The following ACAP2 variants were observed in gnomAD, a reference collection of about 807,000 sequenced individuals.
ACAP2 encodes arf-GAP with coiled-coil, ANK repeat and PH domain-containing protein 2.
A neutral mutation model predicts 115.8 loss-of-function variants in ACAP2; 39 were observed. The observed-to-expected ratio is 0.34, with a 90% CI of 0.26 to 0.44. The LOEUF (loss-of-function observed/expected upper bound fraction) is 0.44, where lower values mean the gene tolerates loss of function less well. Among genes scored for constraint, ACAP2 ranks in the 20% least tolerant of loss-of-function variants. The pLI, the probability that ACAP2 is intolerant of heterozygous loss-of-function variation, is 1.00. For missense variants in ACAP2, 662 were observed against 927.6 expected (o/e 0.71, Z 3.72); for synonymous variants, 289 against 315.8 (o/e 0.92, Z 0.90).
At position 195,275,920 on chromosome 3, in the gene ACAP2, G is replaced by A. The variant is rs1047185105; in HGVS notation, c.*3408C>T. 1 of 152,602 alleles carries A rather than the reference G, an allele frequency of 6.6e-6. No individual in the cohort carries two copies. The highest frequency in any genetic ancestry group is 2.4e-5 in the African/African-American group (1 of 41,444). The allele number at this position is 152,602 out of a possible 1,614,324, so 9.5% of individuals were successfully genotyped here. A position where few individuals can be genotyped will look rare whatever the true frequency, so the allele number is the denominator to read the frequency against. On this transcript the variant is annotated 3_prime_UTR_variant, in exon 23 of 23. Coordinates refer to ENST00000326793, the MANE Select transcript of ACAP2 (RefSeq NM_012287.6). ...AAAAAGGGTAGTGACGACTAGTCCA[G>A]TGCTCCTTCCACCGTATCATGCGGT...
Position 195,351,359 on chromosome 3 carries a change from C to T in ACAP2, c.286-6042G>A, listed in dbSNP as rs528928998. On this transcript the variant is annotated intron_variant, in intron 4 of 22. Coordinates refer to ENST00000326793, the MANE Select transcript of ACAP2 (RefSeq NM_012287.6). Reference sequence around the variant, plus strand: ...CATGAACTCCTGACCTCAAGTGATCCGCCCGCCTCAGCCTTCCAAAGGGCT... The same window carrying T: ...CATGAACTCCTGACCTCAAGTGATCTGCCCGCCTCAGCCTTCCAAAGGGCT... Among the ~76,000 whole-genome samples the T allele has an allele frequency of 3.0e-3, 457 of 152,012 alleles. 3 individuals are homozygous for T. The highest frequency in any genetic ancestry group is 3.9e-3 in the Non-Finnish European group (263 of 67,954).
chr3:195,427,593 T>C (rs772512781), intron 1 of ACAP2, among the ~76,000 whole-genome samples: 2 of 152,152 alleles, frequency 1.3e-5, no homozygotes, highest in Non-Finnish European at 2.9e-5. Context: ...AGGCAATTGT[T>C]AACACAATGT....
chr3:195,420,496 G>C (rs191998132), intron 1 of ACAP2, among the ~76,000 whole-genome samples: 3,397 of 151,836 alleles, frequency 0.022, 113 homozygotes, highest in East Asian at 0.1. Flanking sequence ...CTATAGGCGC[G>C]TGCCACCACA....
At chr3:195,287,199 G>A (rs561278300) in intron 21 of ACAP2, among the ~76,000 whole-genome samples, 4 of 152,170 alleles carry the variant, frequency 2.6e-5, no homozygotes, top group Admixed American at 2.0e-4. Flanking sequence ...AATAAGTGAC[G>A]ATACAAAACA....
intron 1 of ACAP2, among the ~76,000 whole-genome samples, chr3:195,416,714 T>C (rs895879479): frequency 6.6e-6 from 1 of 152,314 alleles, no homozygotes; most frequent in South Asian, 2.1e-4. Context: ...TTTCTTATAA[T>C]GAATTTCCAA....
rs114845423 is a variant in ACAP2 at position 195,379,336 on chromosome 3, T to C, written c.285+1673A>G. 5.9e-3 allele frequency among the ~76,000 whole-genome samples: 901 copies of C among 152,186 alleles called. 8 individuals are homozygous for C. The highest frequency in any genetic ancestry group is 0.021 in the African/African-American group (858 of 41,506). On this transcript the variant is annotated intron_variant, in intron 4 of 22. Transcript: ENST00000326793. Reference sequence around the variant, plus strand: ...TTCAGACTTCATCAAAACTAAAAACTTTTGTGTGTCAAAGGATATTTTCAA... The same window carrying C: ...TTCAGACTTCATCAAAACTAAAAACCTTTGTGTGTCAAAGGATATTTTCAA...
intron 8 of ACAP2, among the ~76,000 whole-genome samples, chr3:195,327,439 C>T (rs1729867673): frequency 6.6e-6 from 1 of 152,128 alleles, no homozygotes; most frequent in Non-Finnish European, 1.5e-5. Context: ...TACTTCCAAC[C>T]ATTCAAGATG....
chr3:195,384,043 ATATC>A (rs1035447884), intron 2 of ACAP2, among the ~76,000 whole-genome samples: 2 of 152,258 alleles, frequency 1.3e-5, no homozygotes, highest in African/African-American at 4.8e-5. Context: ...AATTGGTACA[ATATC>A]TACAGAAGGC....
chr3:195,437,604 A>T (rs1715641464), intron 1 of ACAP2, among the ~76,000 whole-genome samples: 1 of 152,124 alleles, frequency 6.6e-6, no homozygotes, highest in South Asian at 2.1e-4. Flanking sequence ...TCACAAGGTC[A>T]GGAGTTCAAG....
chr3:195,426,842 T>C (rs958674390), intron 1 of ACAP2, among the ~76,000 whole-genome samples: 6 of 152,102 alleles, frequency 3.9e-5, no homozygotes, highest in Admixed American at 1.3e-4. Context: ...TTGAGGATAT[T>C]GGGATGGGGT....
chr3:195,391,909 C>T (rs1278984242), intron 2 of ACAP2, among the ~76,000 whole-genome samples, 181 bp downstream of exon 2: 1 of 151,926 alleles, frequency 6.6e-6, no homozygotes, highest in Admixed American at 6.6e-5. Context: ...GCAGGAGGAT[C>T]GTTTGAACCC....
At chr3:195,322,024 C>T (rs1729488266) in intron 9 of ACAP2, among the ~76,000 whole-genome samples, 1 of 152,152 alleles carries the variant, frequency 6.6e-6, no homozygotes, top group African/African-American at 2.4e-5. Context: ...GTTGAACTCA[C>T]TTTTTTATGA....
chr3:195,359,674 A>C (rs1385994248), intron 4 of ACAP2, among the ~76,000 whole-genome samples: 3 of 152,126 alleles, frequency 2.0e-5, no homozygotes, highest in Non-Finnish European at 4.4e-5. Context: ...TCACCGTGTT[A>C]GCCAGGATGG....
At chr3:195,429,865 G>C (rs557541784) in intron 1 of ACAP2, among the ~76,000 whole-genome samples, 14 of 152,274 alleles carry the variant, frequency 9.2e-5, no homozygotes, top group African/African-American at 3.4e-4. Context: ...CATTTTGGGA[G>C]AGTTCTTTTT....
At chr3:195,367,010 T>TA (rs1000575375) in intron 4 of ACAP2, among the ~76,000 whole-genome samples, 1 of 134,388 alleles carries the variant, frequency 7.4e-6, no homozygotes, top group African/African-American at 2.9e-5. Context: ...CAGAAGAGCA[T>TA]AGCTGTGTTC....
intron 13 of ACAP2, among the ~76,000 whole-genome samples, chr3:195,303,110 G>A (rs1274983089): frequency 1.3e-5 from 2 of 152,200 alleles, no homozygotes; most frequent in Non-Finnish European, 2.9e-5. Context: ...CAGCTACTCA[G>A]GAGGCTGAGA....
Position 195,324,462 on chromosome 3 carries a change from A to G in ACAP2, c.744+2423T>C, listed in dbSNP as rs368326679. On this transcript the variant is annotated intron_variant, in intron 9 of 22. Transcript: ENST00000326793. ...TCACACCACACACAAAAACCCAATT[A>G]AAGACCTAAAAAGCGGCACGGTGGC... Among the ~76,000 whole-genome samples, 15 of 152,246 alleles carry G rather than the reference A, an allele frequency of 9.9e-5. No homozygotes were observed. The East Asian group carries it at 2.7e-3, about 27-fold the overall frequency.
chr3:195,301,690 C>T (rs1340728405), intron 14 of ACAP2, 46 bp from the exon 15 acceptor site: 6 of 1,544,388 alleles, frequency 3.9e-6, no homozygotes, highest in East Asian at 4.5e-5. Context: ...TCTCTGTTTG[C>T]GTATTTGCGC....
intron 10 of ACAP2, among the ~76,000 whole-genome samples, chr3:195,312,338 C>A (rs192904365): frequency 6.6e-6 from 1 of 152,104 alleles, no homozygotes; most frequent in Non-Finnish European, 1.5e-5. Context: ...AAAAAGGTAA[C>A]GAACTGACAA....
Sources: allele counts gnomAD v4.1 joint callset (sites outside exome capture counted in the v4.1 genomes callset), GRCh38; gene constraint gnomAD v4.1.1; transcripts MANE v1.5; gene names NCBI Gene and HGNC (gene_info 2026-07-23, HGNC 2026-07-21).